SORCS2: variants seen among roughly 807,000 people sequenced by gnomAD.
SORCS2 encodes VPS10 domain-containing receptor SorCS2.
Under a neutral mutation model 141.6 loss-of-function variants are expected in SORCS2, and 100 were observed. The ratio of observed to expected loss-of-function variants is 0.71; its 90% confidence interval spans 0.60 to 0.83. SORCS2 has a LOEUF of 0.83. Ranked by LOEUF, SORCS2 falls within the 40% of genes least tolerant of loss-of-function variation. SORCS2 has a pLI of 0.00. For missense variants in SORCS2, 1,646 were observed against 1,560.2 expected, an observed-to-expected ratio of 1.05 and a Z score of -0.93; for synonymous variants, 789 against 676.9, an observed-to-expected ratio of 1.17 and a Z score of -2.57.
chr4:7,315,302 A>G (rs746350550), intron 1 of SORCS2, among the ~76,000 whole-genome samples: 2 of 152,190 alleles, frequency 1.3e-5, no homozygotes, highest in African/African-American at 2.4e-5. Context: ...GGCTGGTCAC[A>G]AGGTTCCTGA....
At chr4:7,243,224 G>C (rs1220336228) in intron 1 of SORCS2, among the ~76,000 whole-genome samples, 4 of 152,202 alleles carry the variant, frequency 2.6e-5, no homozygotes, top group African/African-American at 9.7e-5. Flanking sequence ...CTGAGCTATA[G>C]AAATGGCAAG....
chr4:7,543,639 T>TCCAC (rs1712906228), intron 3 of SORCS2, among the ~76,000 whole-genome samples: 2 of 104,344 alleles, frequency 1.9e-5, no homozygotes, highest in Non-Finnish European at 2.1e-5. Flanking sequence ...CACCCATCCG[T>TCCAC]CCATCCGTCC....
intron 2 of SORCS2, among the ~76,000 whole-genome samples, chr4:7,506,127 A>C (rs1444040480): frequency 6.6e-6 from 1 of 152,002 alleles, no homozygotes; most frequent in African/African-American, 2.4e-5. Context: ...AGTGGTAGGG[A>C]CACTCCGGGG....
intron 3 of SORCS2, among the ~76,000 whole-genome samples, chr4:7,596,154 G>A (rs1717264419): frequency 6.6e-6 from 1 of 152,182 alleles, no homozygotes; most frequent in Admixed American, 6.5e-5. Flanking sequence ...ATGCCACACT[G>A]TGTGAGGCAG....
intron 1 of SORCS2, among the ~76,000 whole-genome samples, chr4:7,366,768 C>T (rs3864204): frequency 0.048 from 7,265 of 152,074 alleles, 415 homozygotes; most frequent in African/African-American, 0.14. Flanking sequence ...GTCTACCCCC[C>T]CAACCCCCAA....
At chr4:7,208,674 C>T (rs1014467926) in intron 1 of SORCS2, among the ~76,000 whole-genome samples, 4 of 152,172 alleles carry the variant, frequency 2.6e-5, no homozygotes, top group African/African-American at 9.7e-5. Flanking sequence ...TTGTGTCTCC[C>T]TCAGCCCTCC....
intron 4 of SORCS2, among the ~76,000 whole-genome samples, chr4:7,639,638 AGT>A (rs1191114849): frequency 1.4e-5 from 2 of 145,272 alleles, no homozygotes; most frequent in South Asian, 2.2e-4. Context: ...GGTGTGTGGG[AGT>A]GTGTATATGA....
At chr4:7,706,141 ACAGAGAAGAGGCTGG>A (rs1560498652) in intron 14 of SORCS2, among the ~76,000 whole-genome samples, 119 of 95,144 alleles carry the variant, frequency 1.3e-3, no homozygotes, top group Admixed American at 2.0e-3. Context: ...CTCCGCCTGG[ACAGAGAAGAGGCTGG>A]GCTCCGTCTG....
rs533530992 is a variant in SORCS2 at position 7,474,168 on chromosome 4, A to G, written c.549-57362A>G. 4.6e-5 allele frequency among the ~76,000 whole-genome samples: 7 copies of G among 152,212 alleles called. No individual in the cohort carries two copies. In the South Asian group the frequency reaches 8.3e-4, roughly 18 times the overall value. ...CTGGCACCTGCTCAGCGCTCAGTAG[A>G]TGGGTGTTGGATGAATGAATGAGTG... On this transcript the variant is annotated intron_variant, in intron 2 of 26. Coordinates refer to ENST00000507866, the MANE Select transcript of SORCS2 (RefSeq NM_020777.3).
At chr4:7,526,335 T>TA (rs1437501390) in intron 2 of SORCS2, among the ~76,000 whole-genome samples, 1 of 152,196 alleles carries the variant, frequency 6.6e-6, no homozygotes, top group Non-Finnish European at 1.5e-5. Context: ...GTGGCCACAT[T>TA]AAAAAGTGAA....
intron 1 of SORCS2, among the ~76,000 whole-genome samples, chr4:7,210,081 C>T (rs528092038): frequency 6.6e-6 from 1 of 152,276 alleles, no homozygotes; most frequent in African/African-American, 2.4e-5. Context: ...GTGATGGGGG[C>T]CTCTGACTGG....
At chr4:7,295,791 T>G (rs1364157851) in intron 1 of SORCS2, among the ~76,000 whole-genome samples, 1 of 152,232 alleles carries the variant, frequency 6.6e-6, no homozygotes, top group Non-Finnish European at 1.5e-5. Flanking sequence ...GAGCCTTGGT[T>G]TCCTCACCTG....
chr4:7,556,712 C>A (rs1475939917), intron 3 of SORCS2, among the ~76,000 whole-genome samples: 1 of 151,494 alleles, frequency 6.6e-6, no homozygotes, highest in Non-Finnish European at 1.5e-5. Flanking sequence ...ACCCATCCAC[C>A]ATTCATCCAC....
At chr4:7,460,537 G>C (rs1040608224) in intron 2 of SORCS2, among the ~76,000 whole-genome samples, 1 of 152,248 alleles carries the variant, frequency 6.6e-6, no homozygotes, top group Non-Finnish European at 1.5e-5. Context: ...CCGCTCCAAG[G>C]CCCTCTGGCC....
intron 1 of SORCS2, among the ~76,000 whole-genome samples, chr4:7,298,100 G>T (rs1313310593): frequency 6.6e-6 from 1 of 152,238 alleles, no homozygotes; most frequent in Non-Finnish European, 1.5e-5. Context: ...TGGAGTCCCA[G>T]GGGTGGGACA....
chr4:7,500,998 C>T (rs540966269), intron 2 of SORCS2, among the ~76,000 whole-genome samples: 16 of 152,354 alleles, frequency 1.1e-4, no homozygotes, highest in African/African-American at 3.8e-4. Context: ...AGCTCCACCC[C>T]ACGTGCCCTC....
At chr4:7,541,661 C>T (rs1010827793) in intron 3 of SORCS2, among the ~76,000 whole-genome samples, 1 of 152,180 alleles carries the variant, frequency 6.6e-6, no homozygotes, top group Non-Finnish European at 1.5e-5. Context: ...GAACCATCTG[C>T]GGACATGGCT....
intron 3 of SORCS2, among the ~76,000 whole-genome samples, chr4:7,627,425 C>T (rs1250880094): frequency 2.0e-5 from 3 of 152,324 alleles, no homozygotes; most frequent in South Asian, 2.1e-4. Flanking sequence ...AGTCTGCTTG[C>T]CTCCCAACAT....
chr4:7,529,008 T>G (rs947694909), intron 2 of SORCS2, among the ~76,000 whole-genome samples: 2 of 152,180 alleles, frequency 1.3e-5, no homozygotes, highest in African/African-American at 4.8e-5. Flanking sequence ...CAAATTCTTA[T>G]AACACCAGCC....
Sources: allele counts gnomAD v4.1 joint callset (sites outside exome capture counted in the v4.1 genomes callset), GRCh38; gene constraint gnomAD v4.1.1; transcripts MANE v1.5; gene names NCBI Gene and HGNC (gene_info 2026-07-23, HGNC 2026-07-21).